CHN1: variants seen among roughly 807,000 people sequenced by gnomAD.
The protein encoded by CHN1 is chimerin 1.
A neutral mutation model predicts 59.5 loss-of-function variants in CHN1; 37 were observed. That is an observed-to-expected ratio of 0.62 (90% confidence interval 0.48 to 0.82). The LOEUF (loss-of-function observed/expected upper bound fraction) is 0.82, where lower values mean the gene tolerates loss of function less well. Ranked by LOEUF, CHN1 falls within the 40% of genes least tolerant of loss-of-function variation. CHN1 has a pLI of 0.00. For missense variants in CHN1, 469 were observed against 571.0 expected (o/e 0.82, Z 1.82); for synonymous variants, 206 against 200.4 (o/e 1.03, Z -0.24).
chr2:174,891,772 G>A (rs1688060490), intron 5 of CHN1, among the ~76,000 whole-genome samples: 1 of 151,828 alleles, frequency 6.6e-6, no homozygotes, highest in African/African-American at 2.4e-5. Flanking sequence ...TAATAGCAGT[G>A]ATTAGAGCTG....
At chr2:174,872,077 T>G (rs1194959484) in intron 6 of CHN1, among the ~76,000 whole-genome samples, 2 of 151,848 alleles carry the variant, frequency 1.3e-5, no homozygotes, top group Non-Finnish European at 1.5e-5. Context: ...AGCTCAAGAG[T>G]TTGAGACCAG....
chr2:174,911,952 G>A (rs755906240), intron 5 of CHN1, among the ~76,000 whole-genome samples: 3 of 152,190 alleles, frequency 2.0e-5, no homozygotes, highest in Non-Finnish European at 2.9e-5. Flanking sequence ...AGTCCAGAAA[G>A]TGGCTTAGAG....
At chr2:174,920,096 T>C (rs1484864296) in intron 3 of CHN1, among the ~76,000 whole-genome samples, 1 of 152,208 alleles carries the variant, frequency 6.6e-6, no homozygotes. Context: ...TCTAAGTTCA[T>C]CCGTGTTGTT....
intron 3 of CHN1, among the ~76,000 whole-genome samples, chr2:174,925,980 TAACAATAGC>T (rs1327942015): frequency 6.6e-6 from 1 of 152,222 alleles, no homozygotes; most frequent in Admixed American, 6.5e-5. Context: ...GTTTTTCTGT[TAACAATAGC>T]ATGGTTTGCA....
chr2:174,937,787 A>G (rs1689541040), intron 3 of CHN1, among the ~76,000 whole-genome samples: 1 of 151,972 alleles, frequency 6.6e-6, no homozygotes, highest in South Asian at 2.1e-4. Context: ...ACCTCATCCT[A>G]TTAATATTTC....
At position 174,824,533 on chromosome 2, in the gene CHN1, GA is replaced by G. The variant is rs1470978457; in HGVS notation, c.628-16del. On this transcript the variant is annotated splice_polypyrimidine_tract_variant and intron_variant, in intron 7 of 12. Coordinates refer to ENST00000409900, the MANE Select transcript of CHN1 (RefSeq NM_001822.7). ...AATGTATGCACCTGAAAAAAAAAAA[GA>G]GGGGCAAAGTCAGGAAAGGGGAAAC... 1.3e-6 allele frequency: 2 copies of G among 1,508,672 alleles called. No homozygotes were observed. The highest frequency in any genetic ancestry group is 2.9e-5 in the African/African-American group (2 of 69,886). The allele number at this position is 1,508,672 out of a possible 1,614,324, so 93.5% of individuals were successfully genotyped here.
chr2:174,799,208 G>C lies in CHN1; in HGVS notation c.*908C>G, dbSNP rs907233215. On this transcript the variant is annotated 3_prime_UTR_variant, in exon 13 of 13. Coordinates refer to ENST00000409900, the MANE Select transcript of CHN1 (RefSeq NM_001822.7). The stretch of plus-strand genomic sequence containing the variant: ...AAATATTTTCTAGATTTCTGCCAGA[G>C]TAATATAAGAAGAAAAATAAATGGA... The C allele has an allele frequency of 1.2e-4, 26 of 215,876 alleles. No homozygotes were observed. The highest frequency in any genetic ancestry group is 9.4e-4 in the East Asian group (9 of 9,588). 13.4% of individuals were successfully genotyped at this position (215,876 alleles called of 1,614,324 possible).
At chr2:174,970,550 A>G (rs964622733) in intron 1 of CHN1, among the ~76,000 whole-genome samples, 6 of 152,228 alleles carry the variant, frequency 3.9e-5, no homozygotes, top group Admixed American at 6.5e-5. Context: ...TGGTGATATT[A>G]AAGAACATGA....
At chr2:174,879,728 T>C (rs1184502220) in intron 5 of CHN1, among the ~76,000 whole-genome samples, 1 of 152,164 alleles carries the variant, frequency 6.6e-6, no homozygotes, top group Non-Finnish European at 1.5e-5. Context: ...TAGCATTGAG[T>C]CCCTTTATAT....
intron 6 of CHN1, among the ~76,000 whole-genome samples, chr2:174,869,639 C>T (rs1031886496): frequency 2.0e-5 from 3 of 152,104 alleles, no homozygotes; most frequent in African/African-American, 7.2e-5. Flanking sequence ...GAACTGTGCA[C>T]ATTTTACTGT....
chr2:174,800,110 A>C lies in CHN1; in HGVS notation c.*6T>G, dbSNP rs1240719117. 3 of 1,550,928 alleles carry C rather than the reference A, an allele frequency of 1.9e-6. No homozygotes were observed. The African/African-American group carries it at 4.2e-5, about 22-fold the overall frequency. On this transcript the variant is annotated 3_prime_UTR_variant, in exon 13 of 13. Transcript: ENST00000409900. ...AAAACATTTCTTTTCCCCTCAAATT[A>C]AAAATTTAAAATAAAATGTCTTCGT...
intron 3 of CHN1, among the ~76,000 whole-genome samples, chr2:174,940,273 C>T (rs190428813): frequency 2.6e-4 from 39 of 152,254 alleles, no homozygotes; most frequent in Non-Finnish European, 5.1e-4. Context: ...GTGATCCACC[C>T]GCCTTAGCCT....
chr2:174,820,165 A>G (rs1168891909), intron 8 of CHN1, among the ~76,000 whole-genome samples: 1 of 152,092 alleles, frequency 6.6e-6, no homozygotes, highest in Admixed American at 6.5e-5. Flanking sequence ...ATGATTTATA[A>G]TCCTTTGGGT....
chr2:174,870,791 A>G (rs16862890), intron 6 of CHN1, among the ~76,000 whole-genome samples: 7,037 of 152,326 alleles, frequency 0.046, 573 homozygotes, highest in African/African-American at 0.16. Flanking sequence ...TGAAGTAGCA[A>G]TCGTGAAAGA....
intron 1 of CHN1, among the ~76,000 whole-genome samples, chr2:174,981,807 T>C (rs1691157781): frequency 6.6e-6 from 1 of 152,176 alleles, no homozygotes; most frequent in African/African-American, 2.4e-5. Context: ...TTTTTTTTTA[T>C]TATTATACTT....
chr2:174,966,256 A>T (rs921214513), intron 1 of CHN1, among the ~76,000 whole-genome samples: 1 of 152,206 alleles, frequency 6.6e-6, no homozygotes, highest in Non-Finnish European at 1.5e-5. Flanking sequence ...CTCTGATGGA[A>T]ATAAACTATT....
intron 6 of CHN1, among the ~76,000 whole-genome samples, chr2:174,862,267 TG>T (rs916063024): frequency 2.0e-5 from 3 of 152,054 alleles, no homozygotes; most frequent in African/African-American, 7.2e-5. Context: ...GTTTCTTTGT[TG>T]GTTTCATTTT....
At chr2:174,827,598 T>G (rs1450430434) in intron 7 of CHN1, among the ~76,000 whole-genome samples, 1 of 152,056 alleles carries the variant, frequency 6.6e-6, no homozygotes, top group African/African-American at 2.4e-5. Flanking sequence ...CACTGAGGAT[T>G]GTTAAGGGGA....
chr2:174,869,176 T>G (rs1687323344), intron 6 of CHN1, among the ~76,000 whole-genome samples: 1 of 152,198 alleles, frequency 6.6e-6, no homozygotes, highest in Non-Finnish European at 1.5e-5. Context: ...TACTCAAATT[T>G]ACTGAAGCAT....
Sources: gnomAD v4.1 joint callset for allele counts (sites outside exome capture counted in the v4.1 genomes callset) on GRCh38, gnomAD v4.1.1 for gene constraint, MANE v1.5 for transcripts, NCBI Gene and HGNC (gene_info 2026-07-23, HGNC 2026-07-21) for gene names.